PID1: variants seen among roughly 807,000 people sequenced by gnomAD.
PID1 encodes the protein phosphotyrosine interaction domain containing 1, also known as PTB-containing, cubilin and LRP1-interacting protein.
Under a neutral mutation model 19.1 loss-of-function variants are expected in PID1, and 10 were observed. The observed-to-expected ratio is 0.52, with a 90% CI of 0.32 to 0.89. The LOEUF is 0.89. PID1 is among the 40% of genes least tolerant of loss of function. PID1 has a pLI of 0.03. For missense variants in PID1, 248 were observed against 285.3 expected (o/e 0.87, Z 0.94); for synonymous variants, 130 against 116.0 (o/e 1.12, Z -0.78).
chr2:229,045,802 A>G (rs1326315), intron 2 of PID1, among the ~76,000 whole-genome samples: 80,732 of 152,074 alleles, frequency 0.53, 22,664 homozygotes, highest in African/African-American at 0.71. Flanking sequence ...GTCACGGAGC[A>G]TGCCCTTCTG....
intron 2 of PID1, among the ~76,000 whole-genome samples, chr2:229,065,428 G>A (rs1694303441): frequency 6.6e-6 from 1 of 152,024 alleles, no homozygotes; most frequent in Non-Finnish European, 1.5e-5. Context: ...GAAACTGTTG[G>A]CTTCATTGTC....
intron 2 of PID1, among the ~76,000 whole-genome samples, chr2:229,141,167 AC>A (rs1418907443): frequency 3.9e-5 from 6 of 152,120 alleles, no homozygotes; most frequent in African/African-American, 1.4e-4. Flanking sequence ...CTATGAAGAC[AC>A]CACGTTTTTG....
intron 1 of PID1, among the ~76,000 whole-genome samples, chr2:229,205,045 G>A (rs998584428): frequency 1.5e-4 from 23 of 152,128 alleles, no homozygotes; most frequent in African/African-American, 5.6e-4. Flanking sequence ...AGAAGGTAAT[G>A]TTTTTCTACA....
At chr2:229,140,967 A>T (rs914039648) in intron 2 of PID1, among the ~76,000 whole-genome samples, 30 of 145,652 alleles carry the variant, frequency 2.1e-4, no homozygotes, top group African/African-American at 7.6e-4. Flanking sequence ...ACCATGAACA[A>T]ATAAACTATT....
intron 2 of PID1, among the ~76,000 whole-genome samples, chr2:229,037,522 A>G (rs1417884059): frequency 2.0e-5 from 3 of 152,152 alleles, no homozygotes. Context: ...TTGTCCTGTC[A>G]ATTGGCTCTT....
intron 1 of PID1, among the ~76,000 whole-genome samples, chr2:229,254,883 A>G (rs1398767940): frequency 2.0e-5 from 3 of 152,206 alleles, no homozygotes; most frequent in Non-Finnish European, 4.4e-5. Flanking sequence ...GGGCAGCACC[A>G]TCCCTTTCAT....
chr2:229,109,909 A>C (rs1695262457), intron 2 of PID1, among the ~76,000 whole-genome samples: 1 of 152,166 alleles, frequency 6.6e-6, no homozygotes, highest in Non-Finnish European at 1.5e-5. Flanking sequence ...TAAATACCAA[A>C]GCTGTTTTTA....
chr2:229,249,276 G>C (rs1157489427), intron 1 of PID1, among the ~76,000 whole-genome samples: 8 of 152,080 alleles, frequency 5.3e-5, no homozygotes, highest in Non-Finnish European at 2.9e-5. Flanking sequence ...ACATAGAATT[G>C]TGCATTTTCC....
chr2:229,149,240 AT>A (rs905231267), intron 2 of PID1, among the ~76,000 whole-genome samples: 4 of 152,118 alleles, frequency 2.6e-5, no homozygotes, highest in Non-Finnish European at 1.5e-5. Flanking sequence ...TAAAACTAAT[AT>A]TTTCATTTGT....
chr2:229,133,648 G>A (rs1234616192), intron 2 of PID1, among the ~76,000 whole-genome samples: 3 of 152,108 alleles, frequency 2.0e-5, no homozygotes, highest in Admixed American at 1.3e-4. Context: ...GCCCAATATC[G>A]ACAACTCAAC....
At chr2:229,093,467 ACTTTTG>A (rs1172144022) in intron 2 of PID1, among the ~76,000 whole-genome samples, 1 of 151,892 alleles carries the variant, frequency 6.6e-6, no homozygotes, top group Non-Finnish European at 1.5e-5. Context: ...GTATCAGCTG[ACTTTTG>A]CTGTGTAACA....
At chr2:229,038,523 T>C (rs1041724284) in intron 2 of PID1, among the ~76,000 whole-genome samples, 8 of 152,146 alleles carry the variant, frequency 5.3e-5, no homozygotes, top group African/African-American at 1.9e-4. Context: ...TTGTCAGGGA[T>C]TAGGGGCAGG....
At chr2:229,124,049 A>C (rs1364076194) in intron 2 of PID1, among the ~76,000 whole-genome samples, 1 of 152,106 alleles carries the variant, frequency 6.6e-6, no homozygotes, top group African/African-American at 2.4e-5. Flanking sequence ...CTATATGTTA[A>C]AATATGGCGA....
chr2:229,229,412 A>G (rs1692155197), intron 1 of PID1, among the ~76,000 whole-genome samples: 1 of 152,202 alleles, frequency 6.6e-6, no homozygotes, highest in South Asian at 2.1e-4. Context: ...AATGTTTAAA[A>G]GCAATGTTCT....
At chr2:229,237,459 A>G (rs1241183223) in intron 1 of PID1, among the ~76,000 whole-genome samples, 1 of 152,336 alleles carries the variant, frequency 6.6e-6, no homozygotes, top group Middle Eastern at 3.4e-3. Flanking sequence ...TCTAGAGAGA[A>G]CACTGTTTTG....
intron 2 of PID1, among the ~76,000 whole-genome samples, chr2:229,067,499 T>C (rs1694353807): frequency 6.6e-6 from 1 of 152,024 alleles, no homozygotes. Flanking sequence ...CTTCCCTCCA[T>C]TGCAGCTTGT....
chr2:229,033,127 T>C (rs1297487981), intron 2 of PID1, among the ~76,000 whole-genome samples: 1 of 152,158 alleles, frequency 6.6e-6, no homozygotes, highest in Non-Finnish European at 1.5e-5. Context: ...CGCTATTTCA[T>C]TCTGGCCTGA....
chr2:229,053,092 C>A (rs13034774), intron 2 of PID1, among the ~76,000 whole-genome samples: 45,615 of 152,070 alleles, frequency 0.3, 7,726 homozygotes, highest in East Asian at 0.53. Flanking sequence ...ATAAACGTAA[C>A]CACTTATAGG....
chr2:229,150,920 A>G (rs530182534), intron 2 of PID1, among the ~76,000 whole-genome samples: 28 of 151,380 alleles, frequency 1.8e-4, no homozygotes, highest in South Asian at 4.2e-4. Flanking sequence ...AAATCATATG[A>G]TATTTTTAGT....
Sources: allele counts gnomAD v4.1 joint callset (sites outside exome capture counted in the v4.1 genomes callset), GRCh38; gene constraint gnomAD v4.1.1; transcripts MANE v1.5; gene names NCBI Gene and HGNC (gene_info 2026-07-23, HGNC 2026-07-21).